Variants in CADPS2 observed in about 807,000 individuals in gnomAD.
CADPS2 encodes calcium dependent secretion activator 2, also known as calcium-dependent secretion activator 2.
In CADPS2, 93 loss-of-function variants were observed where a neutral mutation model predicts 172.5. The ratio of observed to expected loss-of-function variants is 0.54; its 90% CI spans 0.46 to 0.64. CADPS2 has a LOEUF of 0.64. Among genes scored for constraint, CADPS2 ranks in the 30% least tolerant of loss-of-function variants. The pLI is 0.00. For missense variants in CADPS2, 1,420 were observed against 1,565.9 expected (o/e 0.91, Z 1.57); for synonymous variants, 546 against 555.2 (o/e 0.98, Z 0.23).
At chr7:122,849,792 C>A in intron 1 of CADPS2, 1 of 508,280 alleles carries the variant, frequency 2.0e-6, no homozygotes, top group South Asian at 1.6e-5. Flanking sequence ...CCCCAGCCCT[C>A]TCCCTTTACA....
At chr7:122,493,370 T>C (rs1289215013) in intron 9 of CADPS2, among the ~76,000 whole-genome samples, 1 of 152,182 alleles carries the variant, frequency 6.6e-6, no homozygotes, top group Non-Finnish European at 1.5e-5. Flanking sequence ...TTTTCTGTTC[T>C]GAGAAAAGAG....
intron 14 of CADPS2, among the ~76,000 whole-genome samples, chr7:122,470,143 T>C (rs936549657): frequency 6.6e-6 from 1 of 151,908 alleles, no homozygotes; most frequent in Non-Finnish European, 1.5e-5. Flanking sequence ...TGAAGAAGAG[T>C]GTGGTAAAAG....
chr7:122,783,886 A>G (rs1455306778), intron 1 of CADPS2, among the ~76,000 whole-genome samples: 1 of 152,152 alleles, frequency 6.6e-6, no homozygotes, highest in Non-Finnish European at 1.5e-5. Flanking sequence ...GATGCCTTCG[A>G]CCATATCTAT....
At chr7:122,779,516 C>A (rs981368891) in intron 1 of CADPS2, among the ~76,000 whole-genome samples, 6 of 152,120 alleles carry the variant, frequency 3.9e-5, no homozygotes. Flanking sequence ...AATCTGCCCT[C>A]TCAAAAAGGG....
At position 122,736,239 on chromosome 7, in the gene CADPS2, C is replaced by A. The variant is rs181646936; in HGVS notation, c.453+716G>T. Among the ~76,000 whole-genome samples the A allele has an allele frequency of 6.6e-5, 10 of 152,266 alleles. No individual in the cohort carries two copies. In the East Asian group the frequency reaches 1.9e-3, roughly 29 times the overall value. On this transcript the variant is annotated intron_variant, in intron 2 of 29. Transcript: ENST00000449022. ...TAAGTTCAGACCCATTGTATCTCCACATTTTCCCTTGTTTATTAGTCTAAT... is the reference window on the plus strand; with the variant it reads ...TAAGTTCAGACCCATTGTATCTCCAAATTTTCCCTTGTTTATTAGTCTAAT...
At chr7:122,656,944 CT>C (rs1247138780) in intron 3 of CADPS2, among the ~76,000 whole-genome samples, 1 of 152,142 alleles carries the variant, frequency 6.6e-6, no homozygotes, top group East Asian at 1.9e-4. Flanking sequence ...GGTTTTAGGT[CT>C]AACACTTAAG....
intron 5 of CADPS2, 100 bp from the exon 6 acceptor site, chr7:122,615,399 T>C: frequency 1.4e-6 from 1 of 730,284 alleles, no homozygotes. Context: ...TTGACAAAAC[T>C]GAAAAAAAAT....
chr7:122,501,226 G>C (rs553747047), intron 9 of CADPS2, among the ~76,000 whole-genome samples: 1 of 152,192 alleles, frequency 6.6e-6, no homozygotes, highest in South Asian at 2.1e-4. Flanking sequence ...CTGCACTCTA[G>C]TCTGGGTGAC....
At chr7:122,820,505 C>A (rs1192106118) in intron 1 of CADPS2, among the ~76,000 whole-genome samples, 1 of 147,864 alleles carries the variant, frequency 6.8e-6, no homozygotes, top group African/African-American at 2.5e-5. Context: ...CAGGACCACA[C>A]CCTGTAGCCT....
At chr7:122,720,591 TATAC>T (rs2090264037) in intron 2 of CADPS2, among the ~76,000 whole-genome samples, 1 of 151,134 alleles carries the variant, frequency 6.6e-6, no homozygotes, top group Non-Finnish European at 1.5e-5. Context: ...TGTATATGTA[TATAC>T]ATACATATAT....
chr7:122,693,285 C>T (rs913245895), intron 2 of CADPS2, among the ~76,000 whole-genome samples: 1 of 152,186 alleles, frequency 6.6e-6, no homozygotes, highest in Non-Finnish European at 1.5e-5. Flanking sequence ...AATTATCACT[C>T]CAGTTGAAAT....
intron 17 of CADPS2, among the ~76,000 whole-genome samples, chr7:122,418,134 C>T (rs1015042821): frequency 2.7e-5 from 4 of 150,822 alleles, no homozygotes; most frequent in South Asian, 2.1e-4. Flanking sequence ...CACACCATTG[C>T]GCTCCAGCCT....
chr7:122,516,555 A>G (rs1052713832), intron 8 of CADPS2, among the ~76,000 whole-genome samples: 2 of 152,064 alleles, frequency 1.3e-5, no homozygotes, highest in African/African-American at 4.8e-5. Context: ...AAATACATGA[A>G]GAAGGAATGA....
At chr7:122,548,959 G>A (rs2063911389) in intron 8 of CADPS2, among the ~76,000 whole-genome samples, 1 of 152,092 alleles carries the variant, frequency 6.6e-6, no homozygotes, top group South Asian at 2.1e-4. Context: ...GTAAATTAAA[G>A]TCTAACAATT....
At chr7:122,518,986 T>C (rs1237305910) in intron 8 of CADPS2, among the ~76,000 whole-genome samples, 1 of 151,960 alleles carries the variant, frequency 6.6e-6, no homozygotes, top group Non-Finnish European at 1.5e-5. Context: ...CAAATTCTTT[T>C]AGTTAAATCA....
intron 6 of CADPS2, among the ~76,000 whole-genome samples, chr7:122,611,150 AAC>A (rs1447683728): frequency 1.3e-5 from 2 of 152,142 alleles, no homozygotes. Flanking sequence ...CCTTTCACCT[AAC>A]ACACTGTAAA....
chr7:122,385,608 A>G (rs191197954), intron 24 of CADPS2, among the ~76,000 whole-genome samples: 26 of 152,184 alleles, frequency 1.7e-4, no homozygotes, highest in Non-Finnish European at 3.2e-4. Context: ...TCCTTTACGC[A>G]TAAAGGTTTT....
intron 3 of CADPS2, among the ~76,000 whole-genome samples, chr7:122,640,322 T>G (rs1230372507): frequency 1.3e-5 from 2 of 152,148 alleles, no homozygotes; most frequent in Non-Finnish European, 2.9e-5. Flanking sequence ...TCTTTGGGTG[T>G]GTGTGTACAT....
intron 8 of CADPS2, among the ~76,000 whole-genome samples, chr7:122,525,486 C>G (rs1477741599): frequency 2.0e-5 from 3 of 152,176 alleles, no homozygotes; most frequent in Non-Finnish European, 4.4e-5. Context: ...TTGTGGAGTT[C>G]TGATTCAAGG....
Sources: gnomAD v4.1 joint callset for allele counts (sites outside exome capture counted in the v4.1 genomes callset) on GRCh38, gnomAD v4.1.1 for gene constraint, MANE v1.5 for transcripts, NCBI Gene and HGNC (gene_info 2026-07-23, HGNC 2026-07-21) for gene names.